Variants in SYNE2 observed in about 807,000 individuals in gnomAD.
SYNE2 encodes nesprin-2.
A neutral mutation model predicts 856.3 loss-of-function variants in SYNE2; 431 were observed. That is an observed-to-expected ratio of 0.50 (90% CI 0.47 to 0.55). SYNE2 has a LOEUF of 0.55. Among genes scored for constraint, SYNE2 ranks in the 20% least tolerant of loss-of-function variants. The pLI is 0.00. For synonymous variants in SYNE2, 2,923 were observed against 2,872.3 expected (o/e 1.02, Z -0.56); for missense variants, 8,129 against 8,023.2 (o/e 1.01, Z -0.50).
chr14:64,218,560 T>G, intron 109 of SYNE2, 48 bp downstream of exon 109: 1 of 1,566,384 alleles, frequency 6.4e-7, no homozygotes, highest in Non-Finnish European at 8.8e-7. Flanking sequence ...GTATGGTATT[T>G]AAGTCCTTGC....
Position 64,190,125 on chromosome 14 carries a change from A to T in SYNE2, c.17926A>T (p.Met5976Leu). The change falls in exon 99 of 116, where the codon ATG becomes TTG. Residue 5976 changes from methionine to leucine, a missense_variant. Around this residue, in one of 3 missense-constraint regions of SYNE2, gnomAD observed 5,410 missense variants for 5,284.8 expected, o/e 1.02. Transcript: ENST00000555002. ...TGAAAACAAGTTACAGTTAAAGCAGATGGGTGACCAGTTGATCAAGGCCAG... is the reference window on the plus strand; with the variant it reads ...TGAAAACAAGTTACAGTTAAAGCAGTTGGGTGACCAGTTGATCAAGGCCAG... ...FSENKLQLKQ[M>L]GDQLIKASNK... The T allele has an allele frequency of 6.2e-7, 1 of 1,614,186 alleles. No individual in the cohort carries two copies. Among genetic ancestry groups the T allele is most frequent in the Non-Finnish European group, 8.5e-7 (1 of 1,180,032 alleles).
rs537071774 is a variant in SYNE2, at chr14:63,995,568, A to G, written c.2940+366A>G. 2.0e-5 allele frequency among the ~76,000 whole-genome samples: 3 copies of G among 152,300 alleles called. No individual in the cohort carries two copies. The South Asian group carries it at 6.2e-4, about 32-fold the overall frequency. On this transcript the variant is annotated intron_variant, in intron 23 of 115. Transcript: ENST00000555002. ...AGAAAACGAGCAAATCAGGGTACAA[A>G]GCAGCTGGGGCAAATCTCATGATCT...
At chr14:63,824,811 C>G (rs1377915023) in intron 1 of SYNE2, among the ~76,000 whole-genome samples, 1 of 152,016 alleles carries the variant, frequency 6.6e-6, no homozygotes, top group South Asian at 2.1e-4. Context: ...TATGCACCCA[C>G]AAAAATTAAA....
intron 6 of SYNE2, among the ~76,000 whole-genome samples, chr14:63,945,211 A>G (rs1167799033): frequency 6.7e-6 from 1 of 148,260 alleles, no homozygotes; most frequent in Admixed American, 6.8e-5. Flanking sequence ...ATAGAGTTTG[A>G]TGAATATTTA....
chr14:64,199,246 G>T (rs1330330259), intron 99 of SYNE2, among the ~76,000 whole-genome samples: 3 of 152,158 alleles, frequency 2.0e-5, no homozygotes, highest in Non-Finnish European at 2.9e-5. Context: ...TCCAGTATGT[G>T]CATGTTAGTG....
Position 64,218,467 on chromosome 14 carries a change from C to A in SYNE2, c.19612C>A (p.Gln6538Lys), listed in dbSNP as rs868108017. 3.7e-6 allele frequency: 6 copies of A among 1,614,112 alleles called. No homozygotes were observed. The highest frequency in any genetic ancestry group is 1.6e-4 in the Middle Eastern group (1 of 6,062). ...EGPRVLNGNP[Q>K]QEDGGLAGIT... ...CCCGCGAGTCCTGAATGGCAACCCA[C>A]AGCAGGAAGACGGGGGACTGGCCGG... The change falls in exon 109 of 116, where the codon CAG (glutamine) becomes AAG (lysine). Residue 6538 changes from glutamine to lysine, a missense_variant. By Grantham distance (53) the Gln-to-Lys change is moderately conservative (BLOSUM62 1). Around this residue, in one of 3 missense-constraint regions of SYNE2, gnomAD observed 5,410 missense variants for 5,284.8 expected, o/e 1.02. Transcript: ENST00000555002.
At chr14:64,128,148 T>C (rs2097968980) in intron 73 of SYNE2, among the ~76,000 whole-genome samples, 1 of 152,164 alleles carries the variant, frequency 6.6e-6, no homozygotes, top group South Asian at 2.1e-4. Context: ...AGGATCTTTA[T>C]CTTTTAGAAA....
In SYNE2 at chr14:64,003,054, C is replaced by A; in HGVS notation, c.4121C>A (p.Ala1374Asp). The change falls in exon 30 of 116, where the codon GCC (alanine) becomes GAC (aspartate). Residue 1374 changes from alanine to aspartate, a missense_variant. Around this residue, in one of 3 missense-constraint regions of SYNE2, gnomAD observed 2,422 missense variants for 2,357.4 expected, o/e 1.03. Transcript: ENST00000555002. ...GAAATTCATCTGATGAAAGACAAGG[C>A]CAAACATTTGGATAAATGTTTGAAG... ...EGEIHLMKDK[A>D]KHLDKCLKML... 1 of 1,614,022 alleles carries A rather than the reference C, an allele frequency of 6.2e-7. No individual in the cohort carries two copies. The highest frequency in any genetic ancestry group is 8.5e-7 in the Non-Finnish European group (1 of 1,179,986).
chr14:64,216,435 C>G lies in SYNE2; in HGVS notation c.19542+48C>G, dbSNP rs1199296250. ...GTACAGCCTATGTCTGTGAGTCATA[C>G]TTACATTTGCAAGAGAGAGAGATTT... On this transcript the variant is annotated intron_variant, in intron 108 of 115. Coordinates refer to ENST00000555002, the MANE Select transcript of SYNE2 (RefSeq NM_182914.3). 1.9e-6 allele frequency: 3 copies of G among 1,593,720 alleles called. No individual in the cohort carries two copies. The African/African-American group carries it at 4.0e-5, about 21-fold the overall frequency.
At chr14:63,901,519 A>G (rs1566753638) in intron 1 of SYNE2, among the ~76,000 whole-genome samples, 1 of 152,140 alleles carries the variant, frequency 6.6e-6, no homozygotes, top group Non-Finnish European at 1.5e-5. Context: ...CTTTTAGTTG[A>G]AAAAAACCAG....
chr14:64,058,098 C>T (rs2097287757), intron 49 of SYNE2, among the ~76,000 whole-genome samples: 1 of 152,144 alleles, frequency 6.6e-6, no homozygotes, highest in Non-Finnish European at 1.5e-5. Context: ...ATTTCCTTTG[C>T]TGTGCAAAAG....
In SYNE2 at chr14:64,087,753, A is replaced by G; in HGVS notation, c.11567A>G (p.Glu3856Gly). Residue 3856 changes from glutamate to glycine, a missense_variant, in exon 58 of 116, where the codon GAA becomes GGA. This residue lies in a region of SYNE2 where 5,410 missense variants were observed against 5,284.8 expected (regional missense o/e 1.02). Transcript: ENST00000555002. ...CTAGAAGACCTGTCAATAATTTTTG[A>G]AACAGATGAATTAACCCAATCCATA... is the stretch of plus-strand genomic sequence containing the variant. ...MDLEDLSIIF[E>G]TDELTQSIQE... 1.2e-6 allele frequency: 2 copies of G among 1,614,178 alleles called. No homozygotes were observed. The highest frequency in any genetic ancestry group is 1.7e-6 in the Non-Finnish European group (2 of 1,179,996).
chr14:64,053,418 A>G lies in SYNE2; in HGVS notation c.9505A>G (p.Lys3169Glu). Residue 3169 changes from lysine to glutamate, a missense_variant, in exon 48 of 116, where the codon AAA becomes GAA. Coordinates refer to ENST00000555002, the MANE Select transcript of SYNE2 (RefSeq NM_182914.3). ...TTCCTTACATGTTTTAAATCAGATAAAATCTCAATTACAGCAGCCATTACT... is the reference window on the plus strand; with the variant it reads ...TTCCTTACATGTTTTAAATCAGATAGAATCTCAATTACAGCAGCCATTACT... Reference protein sequence around the residue: ...ETSLHVLNQIKSQLQQPLLIN... With the variant: ...ETSLHVLNQIESQLQQPLLIN... The G allele has an allele frequency of 6.2e-7, 1 of 1,613,080 alleles. No individual in the cohort carries two copies. Among genetic ancestry groups the G allele is most frequent in the Non-Finnish European group, 8.5e-7 (1 of 1,179,804 alleles).
At chr14:64,096,059 GC>G (rs758027563) in intron 61 of SYNE2, among the ~76,000 whole-genome samples, 19 of 152,106 alleles carry the variant, frequency 1.2e-4, no homozygotes, top group Non-Finnish European at 2.6e-4. Flanking sequence ...ACAGAGAACA[GC>G]CCTCACCAGA....
intron 1 of SYNE2, among the ~76,000 whole-genome samples, chr14:63,774,513 T>A (rs1887040715): frequency 6.7e-6 from 1 of 150,070 alleles, no homozygotes; most frequent in African/African-American, 2.4e-5. Flanking sequence ...AAAAGAAAAC[T>A]GAAGACAAGA....
intron 1 of SYNE2, among the ~76,000 whole-genome samples, chr14:63,838,364 TG>T (rs1889932769): frequency 2.0e-5 from 3 of 152,196 alleles, no homozygotes; most frequent in East Asian, 3.9e-4. Flanking sequence ...AAAAAAACTT[TG>T]ATTGTGAAGC....
chr14:64,128,052 G>A (rs937779112), intron 73 of SYNE2, among the ~76,000 whole-genome samples: 2 of 152,170 alleles, frequency 1.3e-5, no homozygotes, highest in African/African-American at 2.4e-5. Context: ...TAGGCAATTA[G>A]GGATATGTGA....
intron 61 of SYNE2, among the ~76,000 whole-genome samples, chr14:64,097,373 C>T (rs750273352): frequency 5.9e-5 from 9 of 151,956 alleles, no homozygotes; most frequent in Non-Finnish European, 8.8e-5. Flanking sequence ...ACCAAAGAAG[C>T]CTTCAAAGAT....
rs10673123 is a variant in SYNE2, at chr14:63,919,972, G to GTTTTTTT, written c.79+10758_79+10764dup. ...ATATCAGGCACATGATAAAAGGTAA[G>GTTTTTTT]TTTTTTTTTTTTTTTTTTTAAGGTA... On this transcript the variant is annotated intron_variant, in intron 2 of 115. Transcript: ENST00000555002. Among the ~76,000 whole-genome samples the GTTTTTTT allele has an allele frequency of 4.5e-3, 503 of 110,574 alleles. 18 individuals are homozygous for GTTTTTTT. The highest frequency in any genetic ancestry group is 0.017 in the African/African-American group (453 of 26,134). 72.5% of individuals were successfully genotyped at this position (110,574 alleles called of 152,430 possible).
Sources: gnomAD v4.1 joint callset for allele counts (sites outside exome capture counted in the v4.1 genomes callset) on GRCh38, gnomAD v4.1.1 for gene constraint, gnomAD v4.1.1 regional missense constraint, MANE v1.5 for transcripts, NCBI Gene and HGNC (gene_info 2026-07-23, HGNC 2026-07-21) for gene names.